LRPPRC: variants seen among roughly 807,000 people sequenced by gnomAD.
The protein encoded by LRPPRC is leucine rich pentatricopeptide repeat containing.
Under a neutral mutation model 180.3 loss-of-function variants are expected in LRPPRC, and 120 were observed. The ratio of observed to expected loss-of-function variants is 0.67; its 90% confidence interval spans 0.57 to 0.77. The LOEUF (loss-of-function observed/expected upper bound fraction) is 0.77. Among genes scored for constraint, LRPPRC ranks in the 30% least tolerant of loss-of-function variants. LRPPRC has a pLI of 0.00. For synonymous variants in LRPPRC, 723 were observed against 600.0 expected, an observed-to-expected ratio of 1.21 and a Z score of -3.00; for missense variants, 2,012 against 1,657.2, an observed-to-expected ratio of 1.21 and a Z score of -3.72.
chr2:43,915,897 C>G (rs534597831), intron 29 of LRPPRC, among the ~76,000 whole-genome samples: 60 of 152,234 alleles, frequency 3.9e-4, no homozygotes, highest in African/African-American at 1.4e-3. Context: ...TCCTGAGTAG[C>G]TGGGACTATA....
At chr2:43,899,711 G>GA (rs1156928773) in intron 32 of LRPPRC, 106 bp from the exon 33 acceptor site, 10 of 713,288 alleles carry the variant, frequency 1.4e-5, no homozygotes, top group Non-Finnish European at 2.4e-5. Flanking sequence ...AATACTTTAG[G>GA]AAAAAAATGA....
At position 43,943,483 on chromosome 2, in the gene LRPPRC, C is replaced by G. The variant is rs141455550; in HGVS notation, c.2504+204G>C. ...GCTCCTACAAAAAAAGCACCAGGGA[C>G]TATTCCATTGATATGTAAAGCCACA... On this transcript the variant is annotated intron_variant, in intron 23 of 37. Coordinates refer to ENST00000260665, the MANE Select transcript of LRPPRC (RefSeq NM_133259.4). 2.4e-3 allele frequency among the ~76,000 whole-genome samples: 372 copies of G among 152,098 alleles called. 2 individuals are homozygous for G. Among genetic ancestry groups the G allele is most frequent in the African/African-American group, 8.8e-3 (366 of 41,512 alleles).
intron 3 of LRPPRC, among the ~76,000 whole-genome samples, chr2:43,977,783 A>G (rs1045914583): frequency 1.3e-5 from 2 of 152,110 alleles, no homozygotes; most frequent in Non-Finnish European, 2.9e-5. Flanking sequence ...TCTGTATTCT[A>G]ATGACCTTTG....
rs1670343740 is a variant in LRPPRC at position 43,888,296 on chromosome 2, A to C, written c.*304T>G. 3.3e-6 allele frequency: 1 copy of C among 306,552 alleles called. No individual in the cohort carries two copies. Among genetic ancestry groups the C allele is most frequent in the Non-Finnish European group, 6.2e-6 (1 of 161,562 alleles). 19.0% of individuals were successfully genotyped at this position (306,552 alleles called of 1,614,324 possible). ...TCTTAAATAAAGGAATAACATTTTAATGAAATAAATGAAACAGAGCAGGGA... is the reference window on the plus strand; with the variant it reads ...TCTTAAATAAAGGAATAACATTTTACTGAAATAAATGAAACAGAGCAGGGA... On this transcript the variant is annotated 3_prime_UTR_variant, in exon 38 of 38. Coordinates refer to ENST00000260665, the MANE Select transcript of LRPPRC (RefSeq NM_133259.4).
At chr2:43,984,072 AC>A (rs1674424861) in intron 1 of LRPPRC, among the ~76,000 whole-genome samples, 1 of 152,038 alleles carries the variant, frequency 6.6e-6, no homozygotes, top group African/African-American at 2.4e-5. Context: ...CAGAAGATAT[AC>A]CCTTAAAATA....
rs188016695 is a variant in LRPPRC at position 43,951,732 on chromosome 2, G to C, written c.1650-1132C>G. The stretch of plus-strand genomic sequence containing the variant: ...TACATGGCAGCTCTACTTTCGTGAA[G>C]GTTTAAAAATTCCAAAATAAAAAAA... On this transcript the variant is annotated intron_variant, in intron 14 of 37. Coordinates refer to ENST00000260665, the MANE Select transcript of LRPPRC (RefSeq NM_133259.4). Among the ~76,000 whole-genome samples the C allele has an allele frequency of 6.2e-3, 940 of 152,116 alleles. 17 individuals carry two copies. The highest frequency in any genetic ancestry group is 0.022 in the African/African-American group (899 of 41,484).
intron 27 of LRPPRC, among the ~76,000 whole-genome samples, chr2:43,920,436 G>A (rs1050091351): frequency 1.3e-5 from 2 of 152,076 alleles, no homozygotes; most frequent in Non-Finnish European, 2.9e-5. Flanking sequence ...TTGCCCAGCT[G>A]CAGCCTAAAC....
chr2:43,912,646 C>G (rs912648148), intron 29 of LRPPRC, 88 bp from the exon 30 acceptor site: 8 of 1,157,332 alleles, frequency 6.9e-6, no homozygotes, highest in African/African-American at 1.5e-5. Flanking sequence ...AAGACCTAAA[C>G]CCAAATATTT....
At chr2:43,914,761 G>A (rs1671382908) in intron 29 of LRPPRC, among the ~76,000 whole-genome samples, 1 of 151,946 alleles carries the variant, frequency 6.6e-6, no homozygotes, top group Admixed American at 6.6e-5. Context: ...TTAACAGGAT[G>A]AAACCAATTA....
chr2:43,941,288 G>A (rs1405473501), intron 23 of LRPPRC, among the ~76,000 whole-genome samples: 2 of 152,198 alleles, frequency 1.3e-5, no homozygotes, highest in African/African-American at 2.4e-5. Context: ...AAGGAACTCA[G>A]TCTCATGGAA....
Position 43,977,331 on chromosome 2 carries a change from T to A in LRPPRC, c.470-55A>T, listed in dbSNP as rs1038727370. On this transcript the variant is annotated intron_variant, in intron 3 of 37. Transcript: ENST00000260665. Reference sequence around the variant, plus strand: ...GAAAAGCATTGAAAATCCTATGCTTTAAAGTGGACCTAAATTTAACAAACA... The same window carrying A: ...GAAAAGCATTGAAAATCCTATGCTTAAAAGTGGACCTAAATTTAACAAACA... The A allele has an allele frequency of 2.0e-5, 27 of 1,373,206 alleles. No individual in the cohort carries two copies. In the African/African-American group the frequency reaches 3.0e-4, roughly 15 times the overall value. The allele number at this position is 1,373,206 out of a possible 1,614,324, so 85.1% of individuals were successfully genotyped here.
intron 25 of LRPPRC, among the ~76,000 whole-genome samples, chr2:43,932,119 G>C (rs1339138498): frequency 3.6e-5 from 1 of 28,136 alleles, no homozygotes; most frequent in African/African-American, 1.9e-4. Flanking sequence ...GCAAGACCCT[G>C]TCTCAAAAAA....
chr2:43,971,076 GACA>G lies in LRPPRC; in HGVS notation c.1369+2528_1369+2530del, dbSNP rs965029308. Among the ~76,000 whole-genome samples the G allele has an allele frequency of 2.0e-5, 3 of 146,678 alleles. No homozygotes were observed. The South Asian group carries it at 6.4e-4, about 31-fold the overall frequency. The stretch of plus-strand genomic sequence containing the variant: ...GATAGTGCCATTGCACTCCAGCCTA[GACA>G]ACAAGAGCGAAACTGTGTCAAAAAA... On this transcript the variant is annotated intron_variant, in intron 11 of 37. Coordinates refer to ENST00000260665, the MANE Select transcript of LRPPRC (RefSeq NM_133259.4).
At chr2:43,991,819 C>G (rs1173387124) in intron 1 of LRPPRC, among the ~76,000 whole-genome samples, 2 of 152,146 alleles carry the variant, frequency 1.3e-5, no homozygotes, top group African/African-American at 2.4e-5. Context: ...CTCATTTGTC[C>G]TCAAATAGGA....
chr2:43,986,851 T>C (rs10183431), intron 1 of LRPPRC, among the ~76,000 whole-genome samples: 105,672 of 152,138 alleles, frequency 0.69, 38,237 homozygotes, highest in Middle Eastern at 0.79. Flanking sequence ...GCAAAGTCTC[T>C]AATGGCAGAT....
chr2:43,958,773 C>A (rs1673222784), intron 13 of LRPPRC, among the ~76,000 whole-genome samples: 1 of 152,118 alleles, frequency 6.6e-6, no homozygotes, highest in Non-Finnish European at 1.5e-5. Context: ...ATGTAGTAAC[C>A]AGTAGTGCAT....
In LRPPRC at chr2:43,917,172, C is replaced by G. The variant is rs761245224; in HGVS notation, c.3148+853G>C. Among the ~76,000 whole-genome samples the G allele has an allele frequency of 5.3e-5, 8 of 151,066 alleles. No individual in the cohort carries two copies. In the East Asian group the frequency reaches 7.9e-4, roughly 15 times the overall value. On this transcript the variant is annotated intron_variant, in intron 29 of 37. Transcript: ENST00000260665. ...TCTCCGGCCTCATCCTCCCGAGTAG[C>G]TGCGATGACAGGCATGCACCAACAT...
intron 29 of LRPPRC, among the ~76,000 whole-genome samples, chr2:43,915,300 AGTATT>A (rs1198058785): frequency 6.6e-6 from 1 of 150,708 alleles, no homozygotes; most frequent in African/African-American, 2.4e-5. Flanking sequence ...ACATTTACAT[AGTATT>A]AATCAAGCTT....
rs778169228 is a variant in LRPPRC at position 43,943,776 on chromosome 2, T to C, written c.2415A>G (p.Val805=). ...TCACGATGGCTTCATGCAACTGTTTTACTGTTTCAATTTCACCTCTTAAAG... is the reference window on the plus strand; with the variant it reads ...TCACGATGGCTTCATGCAACTGTTTCACTGTTTCAATTTCACCTCTTAAAG... ...GAALRGEIET[V]KQLHEAIVTL... is the part of the protein sequence containing the mutation. The change falls in exon 23 of 38, where the codon GTA becomes GTG. Residue 805 remains valine, a synonymous_variant. Transcript: ENST00000260665. 3.7e-6 allele frequency: 6 copies of C among 1,613,572 alleles called. No individual in the cohort carries two copies. The highest frequency in any genetic ancestry group is 1.1e-5 in the South Asian group (1 of 91,080).
Sources: gnomAD v4.1 joint callset for allele counts (sites outside exome capture counted in the v4.1 genomes callset) on GRCh38, gnomAD v4.1.1 for gene constraint, MANE v1.5 for transcripts, NCBI Gene and HGNC (gene_info 2026-07-23, HGNC 2026-07-21) for gene names.